Variants in EPS15 observed in about 807,000 individuals in gnomAD.
EPS15 encodes the protein epidermal growth factor receptor pathway substrate 15.
A neutral mutation model predicts 113.8 loss-of-function variants in EPS15; 72 were observed. The ratio of observed to expected loss-of-function variants is 0.63; its 90% CI spans 0.52 to 0.77. The LOEUF (loss-of-function observed/expected upper bound fraction) is 0.77, where lower values mean the gene tolerates loss of function less well. EPS15 is among the 30% of genes least tolerant of loss of function. The pLI is 0.00. For missense variants in EPS15, 1,048 were observed against 1,045.8 expected (o/e 1.00, Z -0.03); for synonymous variants, 344 against 363.4 (o/e 0.95, Z 0.61).
At chr1:51,492,703 AAAAC>A (rs376509559) in intron 1 of EPS15, among the ~76,000 whole-genome samples, 5 of 152,054 alleles carry the variant, frequency 3.3e-5, no homozygotes, top group Admixed American at 6.5e-5. Flanking sequence ...GTAGGCCAAA[AAAAC>A]AAACAAACAA....
intron 7 of EPS15, among the ~76,000 whole-genome samples, 170 bp from the exon 8 acceptor site, chr1:51,461,320 A>G (rs1287077943): frequency 6.6e-6 from 1 of 152,064 alleles, no homozygotes; most frequent in African/African-American, 2.4e-5. Flanking sequence ...AGTTTGAGAC[A>G]GCCTAGGAAA....
intron 12 of EPS15, among the ~76,000 whole-genome samples, chr1:51,436,853 CAG>C (rs1652188928): frequency 6.6e-6 from 1 of 152,098 alleles, no homozygotes; most frequent in African/African-American, 2.4e-5. Flanking sequence ...AGATACAAAA[CAG>C]AGGTGAGGGG....
At chr1:51,443,439 A>G (rs540666935) in intron 11 of EPS15, among the ~76,000 whole-genome samples, 44 of 152,274 alleles carry the variant, frequency 2.9e-4, no homozygotes, top group Admixed American at 6.5e-4. Flanking sequence ...CATCACTTTC[A>G]GCCTTTTCCA....
chr1:51,476,338 G>A (rs539510046), intron 2 of EPS15, among the ~76,000 whole-genome samples: 2 of 152,278 alleles, frequency 1.3e-5, no homozygotes, highest in South Asian at 2.1e-4. Flanking sequence ...CCATGAGTAT[G>A]GAATGTTCTT....
At chr1:51,485,801 G>A (rs1483932398) in intron 1 of EPS15, among the ~76,000 whole-genome samples, 2 of 151,964 alleles carry the variant, frequency 1.3e-5, no homozygotes, top group Admixed American at 6.6e-5. Context: ...AAGTTCCATC[G>A]AGGGTCTTTT....
intron 8 of EPS15, among the ~76,000 whole-genome samples, chr1:51,454,842 A>G (rs1389390883): frequency 6.6e-6 from 1 of 152,172 alleles, no homozygotes; most frequent in Non-Finnish European, 1.5e-5. Flanking sequence ...GTAATATGGT[A>G]AAAAGGGAAA....
At chr1:51,459,558 T>A (rs890747533) in intron 8 of EPS15, among the ~76,000 whole-genome samples, 1 of 152,056 alleles carries the variant, frequency 6.6e-6, no homozygotes, top group Non-Finnish European at 1.5e-5. Context: ...AAAACTCTAA[T>A]ATCCTCCAAA....
intron 1 of EPS15, 135 bp from the exon 2 acceptor site, chr1:51,481,449 G>T: frequency 1.7e-6 from 1 of 600,660 alleles, no homozygotes; most frequent in East Asian, 3.1e-5. Flanking sequence ...GTTAGATTTT[G>T]TTTCTTCTTG....
chr1:51,518,183 T>C (rs992080156), intron 1 of EPS15: 1 of 152,406 alleles, frequency 6.6e-6, no homozygotes, highest in African/African-American at 2.4e-5. Context: ...CACCTTATCA[T>C]CCCGGACACC....
chr1:51,372,561 T>G (rs528890904), intron 21 of EPS15: 1 of 526,392 alleles, frequency 1.9e-6, no homozygotes, highest in Admixed American at 1.9e-5. Context: ...GGCCCTAAAC[T>G]ACACAAGAGT....
chr1:51,400,956 G>A lies in EPS15; in HGVS notation c.1883-3C>T. 1.3e-6 allele frequency: 2 copies of A among 1,576,450 alleles called. No homozygotes were observed. The highest frequency in any genetic ancestry group is 1.7e-6 in the Non-Finnish European group (2 of 1,157,890). On this transcript the variant is annotated splice_polypyrimidine_tract_variant and splice_region_variant and intron_variant, in intron 18 of 24. Coordinates refer to ENST00000371733, the MANE Select transcript of EPS15 (RefSeq NM_001981.3). The stretch of plus-strand genomic sequence containing the variant: ...AGGATCATCCTTGAAAGGATCACCT[G>A]TGATAAAATAAACACAAAGAAATCC...
intron 22 of EPS15, among the ~76,000 whole-genome samples, chr1:51,365,472 G>A (rs191679493): frequency 4.6e-5 from 7 of 152,276 alleles, no homozygotes; most frequent in African/African-American, 1.4e-4. Context: ...CTCTTAGCCC[G>A]AATCAATATC....
In EPS15 at chr1:51,400,960, T is replaced by A. The variant is rs1257452036; in HGVS notation, c.1883-7A>T. On this transcript the variant is annotated splice_polypyrimidine_tract_variant and splice_region_variant and intron_variant, in intron 18 of 24. Transcript: ENST00000371733. ...TCATCCTTGAAAGGATCACCTGTGATAAAATAAACACAAAGAAATCCAAAT... is the reference window on the plus strand; with the variant it reads ...TCATCCTTGAAAGGATCACCTGTGAAAAAATAAACACAAAGAAATCCAAAT... 3 of 1,573,892 alleles carry A rather than the reference T, an allele frequency of 1.9e-6. No individual in the cohort carries two copies. In the East Asian group the frequency reaches 7.0e-5, roughly 36 times the overall value.
intron 21 of EPS15, among the ~76,000 whole-genome samples, chr1:51,392,070 A>G (rs1395699755): frequency 6.6e-6 from 1 of 152,194 alleles, no homozygotes; most frequent in African/African-American, 2.4e-5. Context: ...AAGAGGTCCA[A>G]GGACTAAGAC....
At chr1:51,446,208 T>C (rs1653036549) in intron 10 of EPS15, among the ~76,000 whole-genome samples, 1 of 152,184 alleles carries the variant, frequency 6.6e-6, no homozygotes, top group South Asian at 2.1e-4. Context: ...CATTATCTCA[T>C]TTTCTGTGAA....
intron 1 of EPS15, among the ~76,000 whole-genome samples, chr1:51,505,036 G>A (rs573061941): frequency 3.0e-4 from 45 of 151,990 alleles, no homozygotes; most frequent in Admixed American, 7.2e-4. Context: ...CAGGAGAATC[G>A]CTTAACCGAG....
At chr1:51,467,682 G>C (rs1654942770) in intron 5 of EPS15, among the ~76,000 whole-genome samples, 1 of 152,136 alleles carries the variant, frequency 6.6e-6, no homozygotes, top group Admixed American at 6.5e-5. Context: ...AAGCATTATG[G>C]CCTGAGCTCC....
chr1:51,391,626 T>C lies in EPS15; in HGVS notation c.2119+2755A>G, dbSNP rs113182419. On this transcript the variant is annotated intron_variant, in intron 21 of 24. Coordinates refer to ENST00000371733, the MANE Select transcript of EPS15 (RefSeq NM_001981.3). The stretch of plus-strand genomic sequence containing the variant: ...GTTTGAGCAGCAGCAAGAAGACCAG[T>C]GTGGCTGGAGCAGAGTGAGTAATGG... Among the ~76,000 whole-genome samples, 1,078 of 152,226 alleles carry C rather than the reference T, an allele frequency of 7.1e-3. 7 individuals carry two copies. Among genetic ancestry groups the C allele is most frequent in the African/African-American group, 0.025 (1,033 of 41,540 alleles).
chr1:51,418,251 G>A (rs1474992605), intron 13 of EPS15, among the ~76,000 whole-genome samples: 2 of 152,064 alleles, frequency 1.3e-5, no homozygotes, highest in Non-Finnish European at 2.9e-5. Flanking sequence ...GGGTTATGGA[G>A]AAGGAAAGAA....
Sources: allele counts gnomAD v4.1 joint callset (sites outside exome capture counted in the v4.1 genomes callset), GRCh38; gene constraint gnomAD v4.1.1; transcripts MANE v1.5; gene names NCBI Gene and HGNC (gene_info 2026-07-23, HGNC 2026-07-21).